SMAP1: variants seen among roughly 807,000 people sequenced by gnomAD.
SMAP1 encodes the protein stromal membrane-associated protein 1.
SMAP1 carries 24 observed loss-of-function variants against 58.5 expected under a neutral mutation model. The observed-to-expected ratio is 0.41, with a 90% CI of 0.30 to 0.58. SMAP1 has a LOEUF of 0.58. Among genes scored for constraint, SMAP1 ranks in the 20% least tolerant of loss-of-function variants. The pLI is 0.29. For missense variants in SMAP1, 563 were observed against 566.3 expected (o/e 0.99, Z 0.06); for synonymous variants, 216 against 196.6 (o/e 1.10, Z -0.82).
At chr6:70,690,329 G>A (rs1027501287) in intron 1 of SMAP1, among the ~76,000 whole-genome samples, 3 of 151,292 alleles carry the variant, frequency 2.0e-5, no homozygotes, top group African/African-American at 4.9e-5. Flanking sequence ...TTTTTGAGAC[G>A]GACTTTCGCT....
chr6:70,677,723 A>G (rs962582199), intron 1 of SMAP1, among the ~76,000 whole-genome samples: 6 of 151,928 alleles, frequency 3.9e-5, no homozygotes, highest in Non-Finnish European at 7.4e-5. Context: ...TTGTCATCAA[A>G]CTTTTATAGT....
chr6:70,857,859 A>G (rs1771499389), intron 9 of SMAP1, 63 bp from the exon 10 acceptor site: 2 of 1,554,730 alleles, frequency 1.3e-6, no homozygotes, highest in African/African-American at 2.7e-5. Flanking sequence ...TTCTGTGATT[A>G]TAGAGATGAG....
At chr6:70,681,036 A>G (rs1251061289) in intron 1 of SMAP1, among the ~76,000 whole-genome samples, 1 of 151,914 alleles carries the variant, frequency 6.6e-6, no homozygotes, top group Non-Finnish European at 1.5e-5. Flanking sequence ...ACGGATTTCT[A>G]TTAAATAAAA....
chr6:70,671,878 G>A (rs1311028780), intron 1 of SMAP1, among the ~76,000 whole-genome samples: 1 of 152,154 alleles, frequency 6.6e-6, no homozygotes, highest in Non-Finnish European at 1.5e-5. Flanking sequence ...TGAACATTTG[G>A]TCTGTTTCCA....
At chr6:70,797,320 G>T (rs1365251834) in intron 5 of SMAP1, among the ~76,000 whole-genome samples, 1 of 151,952 alleles carries the variant, frequency 6.6e-6, no homozygotes, top group Non-Finnish European at 1.5e-5. Flanking sequence ...TTTTAGTGTT[G>T]AAATGCACAT....
chr6:70,772,436 G>GT (rs1345839174), intron 3 of SMAP1, among the ~76,000 whole-genome samples: 1 of 152,084 alleles, frequency 6.6e-6, no homozygotes, highest in Admixed American at 6.5e-5. Context: ...GTGTAATTGG[G>GT]TTTTTTTCTG....
intron 4 of SMAP1, among the ~76,000 whole-genome samples, chr6:70,781,260 G>A (rs1767752564): frequency 6.6e-6 from 1 of 152,074 alleles, no homozygotes; most frequent in Non-Finnish European, 1.5e-5. Context: ...TTAAGATTTA[G>A]GCTTCTTCTA....
chr6:70,739,822 A>C lies in SMAP1; in HGVS notation c.252+7311A>C, dbSNP rs527555797. On this transcript the variant is annotated intron_variant, in intron 2 of 10. Transcript: ENST00000370455. ...CCGTCTGCCTTTCCATTTTTCTTAG[A>C]CTATTATTTGTTGTCTACGGTTCAT... Among the ~76,000 whole-genome samples the C allele has an allele frequency of 1.3e-4, 19 of 150,736 alleles. No individual in the cohort carries two copies. The East Asian group carries it at 3.3e-3, about 26-fold the overall frequency.
chr6:70,762,630 A>G (rs1766800092), intron 3 of SMAP1, among the ~76,000 whole-genome samples: 1 of 152,170 alleles, frequency 6.6e-6, no homozygotes, highest in Non-Finnish European at 1.5e-5. Context: ...TTCACTTTGT[A>G]GTGTACTTGG....
chr6:70,784,329 T>A (rs983507220), intron 4 of SMAP1, among the ~76,000 whole-genome samples: 4 of 152,140 alleles, frequency 2.6e-5, no homozygotes, highest in African/African-American at 9.6e-5. Context: ...GAACAACCGG[T>A]ACCAGCCACT....
At chr6:70,773,852 T>C (rs1767434067) in intron 4 of SMAP1, among the ~76,000 whole-genome samples, 1 of 152,202 alleles carries the variant, frequency 6.6e-6, no homozygotes, top group African/African-American at 2.4e-5. Flanking sequence ...GCATTTACAT[T>C]TGTTATTAGC....
chr6:70,802,688 C>G (rs1402360952), intron 6 of SMAP1, among the ~76,000 whole-genome samples: 1 of 152,104 alleles, frequency 6.6e-6, no homozygotes, highest in Non-Finnish European at 1.5e-5. Context: ...TCATCAATAT[C>G]TAGTTTATTG....
At chr6:70,711,025 A>G (rs1053767072) in intron 1 of SMAP1, among the ~76,000 whole-genome samples, 5 of 152,116 alleles carry the variant, frequency 3.3e-5, no homozygotes, top group African/African-American at 7.2e-5. Flanking sequence ...GTCATTTCCT[A>G]TAATAATAAT....
intron 8 of SMAP1, chr6:70,856,607 A>G: frequency 3.4e-6 from 1 of 293,146 alleles, no homozygotes; most frequent in Non-Finnish European, 6.3e-6. Context: ...CACCTTAGGT[A>G]GTAAATGCAA....
At chr6:70,734,506 T>G (rs1257744061) in intron 2 of SMAP1, 3 of 152,342 alleles carry the variant, frequency 2.0e-5, no homozygotes, top group Non-Finnish European at 4.4e-5. Context: ...CCATGGCAGC[T>G]TGTGTCTGCC....
At chr6:70,725,733 C>CTCTA (rs2149853205) in intron 1 of SMAP1, among the ~76,000 whole-genome samples, 1 of 152,320 alleles carries the variant, frequency 6.6e-6, no homozygotes, top group South Asian at 2.1e-4. Context: ...GGGCAAAATT[C>CTCTA]TCTACCCTTT....
At chr6:70,806,703 A>G (rs186150916) in intron 6 of SMAP1, among the ~76,000 whole-genome samples, 4 of 152,196 alleles carry the variant, frequency 2.6e-5, no homozygotes, top group African/African-American at 4.8e-5. Context: ...TTTCAAGTCA[A>G]ATTTATTTCT....
Position 70,857,036 on chromosome 6 carries a change from G to A in SMAP1, c.961+6G>A, listed in dbSNP as rs373898587. ...TCAACAGCAAAGTACTCCTGGTAAT[G>A]AATTTTGATATCTGCTTTCAGTGAC... On this transcript the variant is annotated splice_donor_region_variant and intron_variant, in intron 9 of 10. Coordinates refer to ENST00000370455, the MANE Select transcript of SMAP1 (RefSeq NM_001044305.3). The A allele has an allele frequency of 2.6e-4, 407 of 1,593,782 alleles. 2 individuals are homozygous for A. In the Middle Eastern group the frequency reaches 7.4e-3, roughly 29 times the overall value.
At chr6:70,840,300 T>C (rs1770753647) in intron 7 of SMAP1, among the ~76,000 whole-genome samples, 2 of 152,334 alleles carry the variant, frequency 1.3e-5, no homozygotes, top group South Asian at 4.1e-4. Context: ...TATGGGACTT[T>C]AATGAACTTA....
Sources: gnomAD v4.1 joint callset for allele counts (sites outside exome capture counted in the v4.1 genomes callset) on GRCh38, gnomAD v4.1.1 for gene constraint, MANE v1.5 for transcripts, NCBI Gene and HGNC (gene_info 2026-07-23, HGNC 2026-07-21) for gene names.